Variants in SNTG2 observed in about 807,000 individuals in gnomAD.
The protein encoded by SNTG2 is gamma-2-syntrophin.
Under a neutral mutation model 70.9 loss-of-function variants are expected in SNTG2, and 74 were observed. The observed-to-expected ratio is 1.04, with a 90% confidence interval of 0.86 to 1.27. The LOEUF (loss-of-function observed/expected upper bound fraction) is 1.27. Among genes scored for constraint, SNTG2 ranks in the 50% most tolerant of loss-of-function variants. The pLI, the probability that SNTG2 is intolerant of heterozygous loss-of-function variation, is 0.00. For synonymous variants in SNTG2, 278 were observed against 273.8 expected, an observed-to-expected ratio of 1.02 and a Z score of -0.15; for missense variants, 717 against 690.7, an observed-to-expected ratio of 1.04 and a Z score of -0.43.
rs138780480 is a variant in SNTG2, at chr2:1,098,197, G to T, written c.212G>T (p.Arg71Leu). The change falls in exon 3 of 17, where the codon CGC becomes CTC. Residue 71 changes from arginine to leucine, a missense_variant and splice_region_variant. Physicochemically the swap from Arg to Leu is moderately radical, Grantham distance 102. Transcript: ENST00000308624. ...CVGGSHQGRN[R>L]RTVTLRRQPV... ...TTTGTTTTCTAAAATGTTTTAAAGC[G>T]CAGAACTGTTACACTCCGCAGACAG... 76 of 1,613,938 alleles carry T rather than the reference G, an allele frequency of 4.7e-5. No homozygotes were observed. The highest frequency in any genetic ancestry group is 5.9e-5 in the Non-Finnish European group (70 of 1,179,862).
intron 4 of SNTG2, among the ~76,000 whole-genome samples, chr2:1,129,361 G>A (rs1487636508): frequency 6.6e-6 from 1 of 152,208 alleles, no homozygotes; most frequent in African/African-American, 2.4e-5. Flanking sequence ...TTTGAACTCA[G>A]TGTCCATTAT....
intron 6 of SNTG2, among the ~76,000 whole-genome samples, chr2:1,150,468 G>C (rs1412592118): frequency 6.6e-6 from 1 of 152,152 alleles, no homozygotes; most frequent in Non-Finnish European, 1.5e-5. Flanking sequence ...GGCTCTAATT[G>C]GTGGGTGACG....
At position 1,281,821 on chromosome 2, in the gene SNTG2, G is replaced by A. The variant is rs552638941; in HGVS notation, c.1284+14250G>A. On this transcript the variant is annotated intron_variant, in intron 14 of 16. Transcript: ENST00000308624. ...GCCCTGCCTGAACATTTGTGGAAGC[G>A]GACACTGGCCCCACCCAGCACAAGC... is the stretch of plus-strand genomic sequence containing the variant. Among the ~76,000 whole-genome samples the A allele has an allele frequency of 2.0e-4, 30 of 152,212 alleles. No homozygotes were observed. In the South Asian group the frequency reaches 5.4e-3, roughly 27 times the overall value.
chr2:983,932 A>G (rs1016792266), intron 1 of SNTG2, among the ~76,000 whole-genome samples: 3 of 152,182 alleles, frequency 2.0e-5, no homozygotes, highest in African/African-American at 7.2e-5. Flanking sequence ...TCCACACAGC[A>G]TGGCCTCTGA....
chr2:1,268,235 G>A (rs560273906), intron 14 of SNTG2, among the ~76,000 whole-genome samples: 7 of 152,358 alleles, frequency 4.6e-5, no homozygotes, highest in Admixed American at 4.6e-4. Flanking sequence ...TCCCAGAGGA[G>A]CTCTGACTTC....
At chr2:1,177,819 T>C (rs373905521) in intron 8 of SNTG2, among the ~76,000 whole-genome samples, 1 of 152,314 alleles carries the variant, frequency 6.6e-6, no homozygotes, top group African/African-American at 2.4e-5. Context: ...TAAAAGGTTA[T>C]TGGCACACTG....
chr2:972,863 C>G (rs942291842), intron 1 of SNTG2, among the ~76,000 whole-genome samples: 2 of 152,168 alleles, frequency 1.3e-5, no homozygotes, highest in Non-Finnish European at 2.9e-5. Flanking sequence ...TCCTGTACAG[C>G]CTGCAGAACT....
At position 1,137,776 on chromosome 2, in the gene SNTG2, C is replaced by T; in HGVS notation, c.378C>T (p.Gly126=). The T allele has an allele frequency of 1.2e-6, 2 of 1,613,450 alleles. No individual in the cohort carries two copies. The highest frequency in any genetic ancestry group is 1.7e-6 in the Non-Finnish European group (2 of 1,179,660). ...CTTTGTCATCTGTTCAGGTTAATGGCATACATGTAGAAAATGCAACTCATG... is the reference window on the plus strand; with the variant it reads ...CTTTGTCATCTGTTCAGGTTAATGGTATACATGTAGAAAATGCAACTCATG... ...FVGDAVLQVN[G]IHVENATHEE... Residue 126 remains glycine, a synonymous_variant, in exon 6 of 17, where the codon GGC becomes GGT. Transcript: ENST00000308624.
chr2:1,286,373 T>G (rs1310130929), intron 14 of SNTG2, among the ~76,000 whole-genome samples: 1 of 152,234 alleles, frequency 6.6e-6, no homozygotes, highest in Non-Finnish European at 1.5e-5. Context: ...CTGCAAAGTA[T>G]TGTCACCTAG....
intron 9 of SNTG2, among the ~76,000 whole-genome samples, chr2:1,224,583 G>A (rs898294772): frequency 4.6e-5 from 7 of 152,278 alleles, no homozygotes; most frequent in Non-Finnish European, 7.4e-5. Context: ...CTGATGCCGC[G>A]TGCCCAGCGT....
At chr2:1,333,825 T>C (rs921549137) in intron 16 of SNTG2, among the ~76,000 whole-genome samples, 9 of 152,120 alleles carry the variant, frequency 5.9e-5, no homozygotes, top group African/African-American at 2.2e-4. Flanking sequence ...GACCTGAAAC[T>C]ATAAAAATTC....
At chr2:1,058,900 G>C (rs1256616848) in intron 1 of SNTG2, among the ~76,000 whole-genome samples, 2 of 152,164 alleles carry the variant, frequency 1.3e-5, no homozygotes, top group African/African-American at 2.4e-5. Flanking sequence ...CACTGGTCCA[G>C]TGCCCTCTCT....
At chr2:1,289,823 A>G (rs775955074) in intron 14 of SNTG2, among the ~76,000 whole-genome samples, 2 of 152,076 alleles carry the variant, frequency 1.3e-5, no homozygotes, top group East Asian at 1.9e-4. Context: ...GGTAGCCACT[A>G]TTCCACTCCC....
At chr2:1,261,218 C>T (rs939320173) in intron 13 of SNTG2, among the ~76,000 whole-genome samples, 3 of 152,138 alleles carry the variant, frequency 2.0e-5, no homozygotes, top group Non-Finnish European at 4.4e-5. Context: ...ACTGCTTTTA[C>T]ACGCATTTAA....
Position 1,222,105 on chromosome 2 carries a change from GTCTC to G in SNTG2, c.719+12881_719+12884del, listed in dbSNP as rs1553362291. Among the ~76,000 whole-genome samples, 18 of 27,590 alleles carry G rather than the reference GTCTC, an allele frequency of 6.5e-4. 2 individuals are homozygous for G. The highest frequency in any genetic ancestry group is 2.2e-3 in the African/African-American group (9 of 4,184). The allele number at this position is 27,590 out of a possible 152,430, so 18.1% of individuals were successfully genotyped here. On this transcript the variant is annotated intron_variant, in intron 9 of 16. Coordinates refer to ENST00000308624, the MANE Select transcript of SNTG2 (RefSeq NM_018968.4). ...TCTCTGTCTCTCTCTGTCTCTCTCTGTCTCTCTCTGTCTCTCTCTGTCTCTCTCT... is the reference window on the plus strand; with the variant it reads ...TCTCTGTCTCTCTCTGTCTCTCTCTGTCTCTGTCTCTCTCTGTCTCTCTCT...
intron 11 of SNTG2, among the ~76,000 whole-genome samples, 169 bp downstream of exon 11, chr2:1,239,945 G>A (rs1158999232): frequency 2.0e-5 from 3 of 152,178 alleles, no homozygotes; most frequent in African/African-American, 7.2e-5. Context: ...GGTGGTCTCT[G>A]CCCTGCCTGT....
At chr2:983,658 C>T (rs2147970121) in intron 1 of SNTG2, among the ~76,000 whole-genome samples, 1 of 152,352 alleles carries the variant, frequency 6.6e-6, no homozygotes, top group South Asian at 2.1e-4. Context: ...GAACTCTGAG[C>T]TCCTAAGTGT....
chr2:972,058 T>C (rs1435059971), intron 1 of SNTG2, among the ~76,000 whole-genome samples: 1 of 152,194 alleles, frequency 6.6e-6, no homozygotes, highest in Non-Finnish European at 1.5e-5. Flanking sequence ...TTATGGTCTA[T>C]TGTGTGGTTG....
At chr2:1,028,802 C>T (rs1355859820) in intron 1 of SNTG2, among the ~76,000 whole-genome samples, 5 of 151,354 alleles carry the variant, frequency 3.3e-5, no homozygotes, top group African/African-American at 9.7e-5. Flanking sequence ...TCTCACCCTG[C>T]GCTTCTAAGC....
Sources: allele counts gnomAD v4.1 joint callset (sites outside exome capture counted in the v4.1 genomes callset), GRCh38; gene constraint gnomAD v4.1.1; transcripts MANE v1.5; gene names NCBI Gene and HGNC (gene_info 2026-07-23, HGNC 2026-07-21).